MCM9: variants seen among roughly 807,000 people sequenced by gnomAD.
MCM9 encodes the protein minichromosome maintenance 9 homologous recombination repair factor, also known as DNA helicase MCM9.
In MCM9, 55 loss-of-function variants were observed where a neutral mutation model predicts 72.8. The observed-to-expected ratio is 0.76, with a 90% CI of 0.61 to 0.95. The LOEUF (loss-of-function observed/expected upper bound fraction) is 0.95, where lower values mean the gene tolerates loss of function less well. MCM9 is among the 40% of genes least tolerant of loss of function. MCM9 has a pLI of 0.00. For synonymous variants in MCM9, 480 were observed against 503.4 expected (o/e 0.95, Z 0.62); for missense variants, 1,279 against 1,377.0 (o/e 0.93, Z 1.13).
chr6:118,843,654 A>G (rs868147279), intron 9 of MCM9, among the ~76,000 whole-genome samples: 13 of 32,304 alleles, frequency 4.0e-4, no homozygotes, highest in African/African-American at 1.4e-3. Context: ...ATATATATAT[A>G]TGTGTATATA....
chr6:118,860,898 G>A (rs895395298), intron 8 of MCM9, among the ~76,000 whole-genome samples: 4 of 152,126 alleles, frequency 2.6e-5, no homozygotes, highest in Non-Finnish European at 5.9e-5. Context: ...TTAGGATGTC[G>A]CTTTGCCAGC....
intron 8 of MCM9, among the ~76,000 whole-genome samples, chr6:118,888,132 G>A (rs1000929287): frequency 3.3e-5 from 5 of 152,124 alleles, no homozygotes; most frequent in Non-Finnish European, 5.9e-5. Flanking sequence ...AGCAAGTGTT[G>A]GTGGGAATGT....
chr6:118,869,161 C>T (rs144277507), intron 8 of MCM9, among the ~76,000 whole-genome samples: 1,579 of 152,130 alleles, frequency 0.01, 30 homozygotes, highest in African/African-American at 0.036. Flanking sequence ...ATCAGAAGGA[C>T]AGAAAACCAA....
intron 2 of MCM9, 83 bp from the exon 3 acceptor site, chr6:118,931,821 C>T: frequency 9.4e-7 from 1 of 1,058,278 alleles, no homozygotes; most frequent in Non-Finnish European, 1.3e-6. Context: ...GGTTATAAAT[C>T]ACACTGGCTT....
At chr6:118,915,677 C>T (rs1780884769) in intron 6 of MCM9, among the ~76,000 whole-genome samples, 2 of 152,162 alleles carry the variant, frequency 1.3e-5, no homozygotes, top group African/African-American at 4.8e-5. Flanking sequence ...CCTCTCCTCC[C>T]TCCAACACAC....
At chr6:118,840,202 T>C (rs769727673) in intron 9 of MCM9, among the ~76,000 whole-genome samples, 2 of 149,520 alleles carry the variant, frequency 1.3e-5, no homozygotes, top group Non-Finnish European at 3.0e-5. Flanking sequence ...CACAAAAGAA[T>C]AGAAGCTGTT....
At chr6:118,841,050 T>C (rs1027832744) in intron 9 of MCM9, among the ~76,000 whole-genome samples, 5 of 152,214 alleles carry the variant, frequency 3.3e-5, no homozygotes, top group Non-Finnish European at 7.3e-5. Context: ...GCTTGGCTCC[T>C]CCTCAACTTT....
At chr6:118,881,565 C>T (rs1778289611) in intron 8 of MCM9, among the ~76,000 whole-genome samples, 1 of 152,154 alleles carries the variant, frequency 6.6e-6, no homozygotes, top group Admixed American at 6.5e-5. Flanking sequence ...GGAAAAATGG[C>T]ACCAGAAATT....
In MCM9 at chr6:118,911,789, T is replaced by TG; in HGVS notation, c.1031-21dup. On this transcript the variant is annotated intron_variant, in intron 7 of 13. Transcript: ENST00000619706. ...ATTCTCCTAGGAAAAAGCAAATACA[T>TG]GAAGTTTTAAATTTCTATAAAAGGG... 1 of 1,587,350 alleles carries TG rather than the reference T, an allele frequency of 6.3e-7. No homozygotes were observed.
chr6:118,921,184 T>G (rs1781395991), intron 5 of MCM9: 1 of 152,224 alleles, frequency 6.6e-6, no homozygotes. Flanking sequence ...AACAATGTAC[T>G]GTATATGCTG....
At chr6:118,869,818 T>C (rs1393230541) in intron 8 of MCM9, among the ~76,000 whole-genome samples, 1 of 151,952 alleles carries the variant, frequency 6.6e-6, no homozygotes, top group Non-Finnish European at 1.5e-5. Context: ...AGACATCCCA[T>C]GCAAATGGAA....
At chr6:118,886,646 T>C (rs780922586) in intron 8 of MCM9, among the ~76,000 whole-genome samples, 81 of 152,176 alleles carry the variant, frequency 5.3e-4, no homozygotes, top group Non-Finnish European at 9.8e-4. Context: ...ATCAAGAATG[T>C]ACAAAGCTTA....
intron 8 of MCM9, among the ~76,000 whole-genome samples, chr6:118,875,644 A>G (rs1455135947): frequency 1.2e-5 from 1 of 85,468 alleles, no homozygotes; most frequent in Non-Finnish European, 2.2e-5. Context: ...TCAAAAAAAT[A>G]ATAATAATAA....
At chr6:118,907,537 C>T (rs377743166) in intron 8 of MCM9, 5 of 1,613,542 alleles carry the variant, frequency 3.1e-6, no homozygotes, top group Non-Finnish European at 4.2e-6. Flanking sequence ...AGATGCATTA[C>T]CTTCAGCATC....
At chr6:118,835,612 A>G (rs1469605665) in intron 9 of MCM9, among the ~76,000 whole-genome samples, 1 of 152,150 alleles carries the variant, frequency 6.6e-6, no homozygotes, top group Non-Finnish European at 1.5e-5. Context: ...CTTTGTAGCA[A>G]TTGTGAATGG....
In MCM9 at chr6:118,826,266, A is replaced by T. The variant is rs1351411498; in HGVS notation, c.1842T>A (p.Asn614Lys). ...TTTCAGGAAAGGAAGTGTGGAGGGC[A>T]TTCACACCTCCTAGCAGTGCACCTC... ...MQGGALLGGV[N>K]ALHTSFPENP... The change falls in exon 13 of 14, where the codon AAT becomes AAA. Residue 614 changes from asparagine (N) to lysine (K), a missense_variant. Asn to Lys is a moderately conservative substitution (Grantham distance 94). Coordinates refer to ENST00000619706, the MANE Select transcript of MCM9 (RefSeq NM_017696.3). The T allele has an allele frequency of 1.9e-6, 3 of 1,550,368 alleles. No homozygotes were observed. The East Asian group carries it at 7.3e-5, about 38-fold the overall frequency.
At chr6:118,914,702 A>G (rs929387882) in intron 6 of MCM9, among the ~76,000 whole-genome samples, 4 of 152,196 alleles carry the variant, frequency 2.6e-5, no homozygotes, top group Non-Finnish European at 5.9e-5. Context: ...AAGAAGAAAC[A>G]GCCCCAACAA....
chr6:118,886,944 A>C (rs939345065), intron 8 of MCM9, among the ~76,000 whole-genome samples: 3 of 152,174 alleles, frequency 2.0e-5, no homozygotes, highest in Non-Finnish European at 4.4e-5. Context: ...CAGCCTAAAA[A>C]ACAGAGCAAG....
At chr6:118,893,518 A>G (rs1244379472) in intron 8 of MCM9, among the ~76,000 whole-genome samples, 5 of 152,172 alleles carry the variant, frequency 3.3e-5, no homozygotes. Context: ...AAGGTTACCT[A>G]TTTAAATTTT....
Sources: allele counts gnomAD v4.1 joint callset (sites outside exome capture counted in the v4.1 genomes callset), GRCh38; gene constraint gnomAD v4.1.1; transcripts MANE v1.5; gene names NCBI Gene and HGNC (gene_info 2026-07-23, HGNC 2026-07-21).